RGPD2: variants seen among roughly 807,000 people sequenced by gnomAD.
RGPD2 encodes RANBP2 like and GRIP domain containing 2, also known as RANBP2-like and GRIP domain-containing protein 2.
A neutral mutation model predicts 36.0 loss-of-function variants in RGPD2; 2 were observed. The observed-to-expected ratio is 0.06, with a 90% CI of 0.02 to 0.17. The LOEUF (loss-of-function observed/expected upper bound fraction) is 0.17. RGPD2 is among the 10% of genes least tolerant of loss of function. RGPD2 has a pLI of 1.00. For missense variants in RGPD2, 40 were observed against 464.3 expected, an observed-to-expected ratio of 0.09 and a Z score of 8.40; for synonymous variants, 19 against 163.8, an observed-to-expected ratio of 0.12 and a Z score of 6.75.
chr2:87,937,781 A>G, the RGPD2 span, among the ~76,000 whole-genome samples: 2 of 151,962 alleles, frequency 1.3e-5, no homozygotes, highest in Non-Finnish European at 2.9e-5. Context: ...ATGTGAAAGA[A>G]AAGGCAAAGG....
the RGPD2 span, among the ~76,000 whole-genome samples, chr2:87,839,462 C>T: frequency 6.7e-4 from 102 of 151,986 alleles, no homozygotes; most frequent in Non-Finnish European, 1.3e-3. Flanking sequence ...ATAGTTCTAA[C>T]GTAAAGACAC....
At chr2:87,967,945 G>A in the RGPD2 span, among the ~76,000 whole-genome samples, 1 of 135,782 alleles carries the variant, frequency 7.4e-6, no homozygotes, top group Non-Finnish European at 1.5e-5. Flanking sequence ...TCATATAGCA[G>A]TTCTCTAGAA....
the RGPD2 span, among the ~76,000 whole-genome samples, chr2:87,988,542 T>TATATA: frequency 2.6e-3 from 98 of 37,464 alleles, 3 homozygotes; most frequent in Non-Finnish European, 4.1e-3. Context: ...TATATATATA[T>TATATA]TTTTTTTTTT....
At chr2:87,923,515 G>A in the RGPD2 span, among the ~76,000 whole-genome samples, 1 of 152,114 alleles carries the variant, frequency 6.6e-6, no homozygotes, top group African/African-American at 2.4e-5. Flanking sequence ...ATTGTTTAGG[G>A]AACAAAGACT....
the RGPD2 span, among the ~76,000 whole-genome samples, chr2:87,948,137 T>C: frequency 6.6e-5 from 10 of 152,262 alleles, no homozygotes; most frequent in Non-Finnish European, 1.5e-4. Context: ...AATGGATTAA[T>C]AGGATTCTGA....
At chr2:87,975,497 TC>T in the RGPD2 span, among the ~76,000 whole-genome samples, 1 of 140,328 alleles carries the variant, frequency 7.1e-6, no homozygotes, top group Non-Finnish European at 1.6e-5. Flanking sequence ...CTTCCTCCTA[TC>T]CCCCAGGTAG....
At chr2:87,915,195 G>A in the RGPD2 span, among the ~76,000 whole-genome samples, 3 of 150,642 alleles carry the variant, frequency 2.0e-5, no homozygotes, top group Non-Finnish European at 3.0e-5. Context: ...TTTATATAAT[G>A]AAGTACTTAG....
chr2:87,922,992 TTA>T, the RGPD2 span, among the ~76,000 whole-genome samples: 1 of 152,104 alleles, frequency 6.6e-6, no homozygotes, highest in Admixed American at 6.5e-5. Flanking sequence ...CTTTTTAATA[TTA>T]TGTCTCCTAA....
chr2:87,866,061 CT>C, the RGPD2 span, among the ~76,000 whole-genome samples: 1 of 121,100 alleles, frequency 8.3e-6, no homozygotes, highest in South Asian at 3.2e-4. Context: ...TTTTGAAGTA[CT>C]TTTAAAACAC....
chr2:87,903,509 C>T, the RGPD2 span, among the ~76,000 whole-genome samples: 26 of 152,336 alleles, frequency 1.7e-4, no homozygotes, highest in East Asian at 2.9e-3. Context: ...AATTATAATA[C>T]ATATGCCAAG....
the RGPD2 span, among the ~76,000 whole-genome samples, chr2:87,875,782 G>A: frequency 3.9e-4 from 59 of 152,408 alleles, no homozygotes; most frequent in African/African-American, 1.4e-3. Flanking sequence ...AGTCTCAGTA[G>A]AAACGGTACC....
At chr2:87,917,106 G>C in the RGPD2 span, among the ~76,000 whole-genome samples, 3 of 151,996 alleles carry the variant, frequency 2.0e-5, no homozygotes, top group East Asian at 1.9e-4. Flanking sequence ...AATGACTAAG[G>C]CTCCAAGGTG....
the RGPD2 span, among the ~76,000 whole-genome samples, chr2:87,958,399 A>AT: frequency 2.0e-5 from 3 of 151,648 alleles, no homozygotes; most frequent in Non-Finnish European, 4.4e-5. Flanking sequence ...TTAGTGGGGA[A>AT]TTTTTTTTAA....
chr2:87,866,724 G>A, the RGPD2 span, among the ~76,000 whole-genome samples: 1 of 152,074 alleles, frequency 6.6e-6, no homozygotes, highest in African/African-American at 2.4e-5. Context: ...TGGGGCGAGG[G>A]GTATGTTTGC....
intron 1 of RGPD2, 21 bp downstream of exon 1, chr2:87,825,637 G>T (rs560047786): frequency 6.5e-7 from 1 of 1,529,718 alleles, no homozygotes; most frequent in African/African-American, 1.5e-5. Flanking sequence ...GAGGCCGTCG[G>T]TCTCTTCGAG....
chr2:87,872,876 C>T, the RGPD2 span, among the ~76,000 whole-genome samples: 2 of 152,130 alleles, frequency 1.3e-5, no homozygotes, highest in Non-Finnish European at 2.9e-5. Context: ...TCTCCTGCCT[C>T]AGCCTCATGA....
At chr2:87,854,845 G>C in the RGPD2 span, among the ~76,000 whole-genome samples, 2 of 152,326 alleles carry the variant, frequency 1.3e-5, no homozygotes, top group African/African-American at 4.8e-5. Flanking sequence ...TTCCTGTGCA[G>C]TTATTTCCCA....
At chr2:87,861,616 G>C in the RGPD2 span, among the ~76,000 whole-genome samples, 18 of 152,126 alleles carry the variant, frequency 1.2e-4, no homozygotes, top group African/African-American at 3.9e-4. Context: ...GATCTAAATG[G>C]TAGGGAAAAT....
chr2:87,798,605 C>A (rs1245942924), intron 8 of RGPD2, among the ~76,000 whole-genome samples: 89 of 57,598 alleles, frequency 1.5e-3, no homozygotes, highest in African/African-American at 5.3e-3. Flanking sequence ...CCTGTAATCC[C>A]AGCACTTTGG....
Sources: allele counts gnomAD v4.1 joint callset (sites outside exome capture counted in the v4.1 genomes callset), GRCh38; gene constraint gnomAD v4.1.1; transcripts MANE v1.5; gene names NCBI Gene and HGNC (gene_info 2026-07-23, HGNC 2026-07-21).